Variants in RAD51B observed in about 807,000 individuals in gnomAD.
RAD51B encodes the protein DNA repair protein RAD51 homolog 2.
A neutral mutation model predicts 42.2 loss-of-function variants in RAD51B; 38 were observed. That is an observed-to-expected ratio of 0.90 (90% CI 0.70 to 1.18). The LOEUF (loss-of-function observed/expected upper bound fraction) is 1.18. Among genes scored for constraint, RAD51B ranks in the 50% most tolerant of loss-of-function variants. The pLI is 0.00. For synonymous variants in RAD51B, 154 were observed against 145.2 expected, an observed-to-expected ratio of 1.06 and a Z score of -0.43; for missense variants, 373 against 400.7, an observed-to-expected ratio of 0.93 and a Z score of 0.59.
chr14:68,499,084 G>T (rs1490581324), intron 10 of RAD51B, among the ~76,000 whole-genome samples: 1 of 152,198 alleles, frequency 6.6e-6, no homozygotes, highest in African/African-American at 2.4e-5. Flanking sequence ...AGAGGAGAAG[G>T]TGAAGGGTTT....
intron 8 of RAD51B, among the ~76,000 whole-genome samples, chr14:68,333,259 A>G (rs2082383752): frequency 6.6e-6 from 1 of 150,758 alleles, no homozygotes; most frequent in African/African-American, 2.4e-5. Context: ...ATAGAAAAAT[A>G]GACGAGGGAT....
chr14:68,548,719 G>A (rs530352391), intron 10 of RAD51B, among the ~76,000 whole-genome samples: 64 of 152,298 alleles, frequency 4.2e-4, no homozygotes, highest in Non-Finnish European at 7.8e-4. Flanking sequence ...TCAGTGATGC[G>A]CAGGGTGGGC....
intron 11 of RAD51B, among the ~76,000 whole-genome samples, chr14:68,661,839 G>A (rs934759676): frequency 5.9e-5 from 9 of 152,118 alleles, no homozygotes; most frequent in Non-Finnish European, 1.2e-4. Flanking sequence ...TTGTGCTCTA[G>A]GCTGGCCCAG....
chr14:68,452,865 T>C (rs2140190902), intron 9 of RAD51B, among the ~76,000 whole-genome samples: 1 of 152,318 alleles, frequency 6.6e-6, no homozygotes, highest in African/African-American at 2.4e-5. Context: ...CCCAAAATCA[T>C]ATAGCCAAGA....
chr14:67,870,343 C>T (rs1199458383), intron 5 of RAD51B, among the ~76,000 whole-genome samples: 8 of 152,088 alleles, frequency 5.3e-5, no homozygotes, highest in Middle Eastern at 3.4e-3. Context: ...CAAAGAAGGC[C>T]GTTACATAAT....
intron 8 of RAD51B, among the ~76,000 whole-genome samples, chr14:68,328,515 A>C (rs1241641794): frequency 6.6e-6 from 1 of 152,124 alleles, no homozygotes; most frequent in Non-Finnish European, 1.5e-5. Context: ...CCATGAGGAG[A>C]CACTGAGGGA....
chr14:68,180,435 C>G (rs2079040880), intron 7 of RAD51B, among the ~76,000 whole-genome samples: 1 of 152,080 alleles, frequency 6.6e-6, no homozygotes, highest in African/African-American at 2.4e-5. Context: ...GAGGAGTACT[C>G]TTTTTAAGAA....
chr14:67,867,521 C>T (rs1017993977), intron 5 of RAD51B, among the ~76,000 whole-genome samples: 7 of 152,146 alleles, frequency 4.6e-5, no homozygotes, highest in African/African-American at 1.4e-4. Flanking sequence ...TAATATCTGC[C>T]TCCTCCCATC....
intron 7 of RAD51B, among the ~76,000 whole-genome samples, chr14:67,942,541 T>C (rs2045244565): frequency 6.6e-6 from 1 of 152,196 alleles, no homozygotes; most frequent in African/African-American, 2.4e-5. Flanking sequence ...TTGTTTTTGC[T>C]GATCCAAACA....
At chr14:68,645,905 A>C (rs1344532740) in intron 10 of RAD51B, among the ~76,000 whole-genome samples, 1 of 145,608 alleles carries the variant, frequency 6.9e-6, no homozygotes, top group Non-Finnish European at 1.5e-5. Context: ...TTACATAGGC[A>C]AGGATTGCTA....
At chr14:68,509,061 G>T (rs1282294117) in intron 10 of RAD51B, among the ~76,000 whole-genome samples, 1 of 152,252 alleles carries the variant, frequency 6.6e-6, no homozygotes, top group Admixed American at 6.5e-5. Context: ...AAAATAGGGG[G>T]CCCTGGGTCC....
At chr14:67,822,797 C>T (rs1380670696) in intron 1 of RAD51B, among the ~76,000 whole-genome samples, 2 of 151,998 alleles carry the variant, frequency 1.3e-5, no homozygotes, top group African/African-American at 2.4e-5. Flanking sequence ...TCATTTGATT[C>T]AGAAGGTGTG....
chr14:67,926,548 GAT>G (rs1407488368), intron 7 of RAD51B, among the ~76,000 whole-genome samples: 1 of 145,814 alleles, frequency 6.9e-6, no homozygotes, highest in African/African-American at 2.5e-5. Context: ...GTGTTGAAGG[GAT>G]ATGTTTCCTT....
At chr14:67,956,401 C>T (rs888600468) in intron 7 of RAD51B, among the ~76,000 whole-genome samples, 9 of 152,196 alleles carry the variant, frequency 5.9e-5, no homozygotes, top group African/African-American at 1.4e-4. Context: ...GCAGGAGAAT[C>T]GCTTGAACCT....
rs1184564468 is a variant in RAD51B at position 67,985,794 on chromosome 14, C to T, written c.756+98590C>T. On this transcript the variant is annotated intron_variant, in intron 7 of 10. Transcript: ENST00000471583. ...GTGTGGTGGTGCGTCCCTGTAGTCC[C>T]AGCTACTTGGGAGGCTGAGGCGGCA... Among the ~76,000 whole-genome samples the T allele has an allele frequency of 2.0e-5, 3 of 152,092 alleles. No individual in the cohort carries two copies. In the East Asian group the frequency reaches 5.8e-4, roughly 29 times the overall value.
intron 7 of RAD51B, among the ~76,000 whole-genome samples, chr14:68,088,127 C>A (rs1299725429): frequency 6.7e-6 from 1 of 149,200 alleles, no homozygotes; most frequent in African/African-American, 2.5e-5. Flanking sequence ...AATTCCAGAT[C>A]AAAATCAAGG....
At chr14:68,219,439 C>A (rs770057904) in intron 7 of RAD51B, among the ~76,000 whole-genome samples, 5 of 152,190 alleles carry the variant, frequency 3.3e-5, no homozygotes, top group Non-Finnish European at 7.3e-5. Flanking sequence ...AGAGAGTCCA[C>A]TTCACTCCCT....
At chr14:67,888,738 G>A (rs1033044788) in intron 7 of RAD51B, among the ~76,000 whole-genome samples, 1 of 152,148 alleles carries the variant, frequency 6.6e-6, no homozygotes, top group Non-Finnish European at 1.5e-5. Context: ...TATAAGTAAT[G>A]TAAAGTTGAT....
chr14:68,381,568 C>T (rs1350623494), intron 8 of RAD51B, among the ~76,000 whole-genome samples: 3 of 152,020 alleles, frequency 2.0e-5, no homozygotes, highest in Non-Finnish European at 2.9e-5. Context: ...CCCAGCTACT[C>T]GGGAGGCTGA....
Sources: allele counts gnomAD v4.1 joint callset (sites outside exome capture counted in the v4.1 genomes callset), GRCh38; gene constraint gnomAD v4.1.1; transcripts MANE v1.5; gene names NCBI Gene and HGNC (gene_info 2026-07-23, HGNC 2026-07-21).